The following LCMT1 variants were observed in gnomAD, a reference collection of about 807,000 sequenced individuals.
LCMT1 encodes the protein leucine carboxyl methyltransferase 1.
Under a neutral mutation model 47.7 loss-of-function variants are expected in LCMT1, and 32 were observed. That is an observed-to-expected ratio of 0.67 (90% confidence interval 0.51 to 0.90). The LOEUF (loss-of-function observed/expected upper bound fraction) is 0.90, where lower values mean the gene tolerates loss of function less well. Among genes scored for constraint, LCMT1 ranks in the 40% least tolerant of loss-of-function variants. The probability of loss-of-function intolerance (pLI) is 0.00; values close to 1 mark genes in which losing one functional copy is unlikely to be tolerated. For missense variants in LCMT1, 375 were observed against 415.2 expected, an observed-to-expected ratio of 0.90 and a Z score of 0.84; for synonymous variants, 152 against 149.7, an observed-to-expected ratio of 1.02 and a Z score of -0.11.
intron 5 of LCMT1, among the ~76,000 whole-genome samples, chr16:25,157,241 A>G (rs1037434930): frequency 6.6e-6 from 1 of 151,944 alleles, no homozygotes; most frequent in South Asian, 2.1e-4. Flanking sequence ...TCATGACCTA[A>G]TCACCTCTTA....
intron 1 of LCMT1, among the ~76,000 whole-genome samples, chr16:25,113,838 G>A (rs1381515573): frequency 1.3e-5 from 2 of 152,170 alleles, no homozygotes; most frequent in East Asian, 1.9e-4. Flanking sequence ...GCTTCACCAC[G>A]TTGGCCAGGC....
At chr16:25,147,677 C>T (rs1453420772) in intron 4 of LCMT1, 2 of 150,754 alleles carry the variant, frequency 1.3e-5, no homozygotes, top group African/African-American at 4.9e-5. Flanking sequence ...AAATCAGTTT[C>T]TTTTTTTTTA....
intron 3 of LCMT1, among the ~76,000 whole-genome samples, chr16:25,133,719 C>A (rs1370515300): frequency 3.3e-5 from 5 of 150,464 alleles, no homozygotes; most frequent in Admixed American, 3.3e-4. Context: ...ATTTTAATAG[C>A]CAAACCGTTT....
chr16:25,165,503 CTTTCT>C (rs779867771), intron 7 of LCMT1, among the ~76,000 whole-genome samples: 6 of 148,766 alleles, frequency 4.0e-5, no homozygotes, highest in African/African-American at 9.9e-5. Flanking sequence ...CTGTTTCTTT[CTTTCT>C]TTTCTTTTCT....
intron 7 of LCMT1, among the ~76,000 whole-genome samples, chr16:25,168,054 G>T (rs905157251): frequency 1.4e-5 from 2 of 144,010 alleles, no homozygotes; most frequent in Non-Finnish European, 3.0e-5. Context: ...ACCGCACCCA[G>T]CCTTTTTTTT....
At chr16:25,139,387 G>A (rs1801565084) in intron 3 of LCMT1, among the ~76,000 whole-genome samples, 1 of 151,998 alleles carries the variant, frequency 6.6e-6, no homozygotes, top group South Asian at 2.1e-4. Context: ...CTGGGCACCT[G>A]TAATCCTCGC....
intron 7 of LCMT1, among the ~76,000 whole-genome samples, chr16:25,167,702 A>G (rs1961627632): frequency 6.6e-6 from 1 of 152,122 alleles, no homozygotes; most frequent in Non-Finnish European, 1.5e-5. Flanking sequence ...AAATTCTTAG[A>G]TTTTGCTTAC....
chr16:25,124,659 C>T (rs1597563571), intron 1 of LCMT1, among the ~76,000 whole-genome samples: 1 of 152,170 alleles, frequency 6.6e-6, no homozygotes, highest in African/African-American at 2.4e-5. Context: ...TCTTTGATGC[C>T]TCAGATGAGG....
chr16:25,115,282 A>C (rs574095208), intron 1 of LCMT1, among the ~76,000 whole-genome samples: 17 of 152,302 alleles, frequency 1.1e-4, no homozygotes, highest in African/African-American at 3.9e-4. Context: ...TTAATTGATT[A>C]CTTAGAGTTC....
At chr16:25,142,915 G>A (rs1230625328) in intron 4 of LCMT1, 1 of 152,210 alleles carries the variant, frequency 6.6e-6, no homozygotes, top group Non-Finnish European at 1.5e-5. Context: ...TTCTGATCGG[G>A]AGAGGTGTAC....
At chr16:25,119,283 C>T (rs1161214835) in intron 1 of LCMT1, among the ~76,000 whole-genome samples, 1 of 151,942 alleles carries the variant, frequency 6.6e-6, no homozygotes, top group Non-Finnish European at 1.5e-5. Context: ...CAAGATCTAG[C>T]TTCTGTTAAA....
chr16:25,134,512 C>A (rs1198798070), intron 3 of LCMT1, among the ~76,000 whole-genome samples: 1 of 152,200 alleles, frequency 6.6e-6, no homozygotes, highest in Non-Finnish European at 1.5e-5. Flanking sequence ...CTCCGGATTT[C>A]TTCCTCTTTC....
chr16:25,155,917 A>G (rs1313967245), intron 5 of LCMT1, among the ~76,000 whole-genome samples: 1 of 152,130 alleles, frequency 6.6e-6, no homozygotes, highest in Non-Finnish European at 1.5e-5. Context: ...CCTGGGGTCA[A>G]ACAATCCTCC....
At chr16:25,125,303 T>G (rs557664597) in intron 1 of LCMT1, among the ~76,000 whole-genome samples, 2 of 152,370 alleles carry the variant, frequency 1.3e-5, no homozygotes, top group South Asian at 2.1e-4. Flanking sequence ...TTAGGTTTGT[T>G]CACCTGATAC....
At chr16:25,154,677 A>G (rs1961196885) in intron 5 of LCMT1, among the ~76,000 whole-genome samples, 1 of 151,216 alleles carries the variant, frequency 6.6e-6, no homozygotes, top group African/African-American at 2.4e-5. Flanking sequence ...TTTAGTAGAG[A>G]CGGGGTTTCA....
chr16:25,139,950 C>A, intron 3 of LCMT1: 1 of 526,628 alleles, frequency 1.9e-6, no homozygotes, highest in Non-Finnish European at 3.4e-6. Context: ...TACCTTCTTA[C>A]CTGGCTGACT....
chr16:25,164,970 G>T (rs958185676), intron 7 of LCMT1, among the ~76,000 whole-genome samples: 2 of 152,246 alleles, frequency 1.3e-5, no homozygotes, highest in Non-Finnish European at 1.5e-5. Flanking sequence ...ATCATTACAT[G>T]TACCATGGAG....
intron 10 of LCMT1, among the ~76,000 whole-genome samples, chr16:25,175,931 C>T (rs1160725409): frequency 6.6e-6 from 1 of 152,126 alleles, no homozygotes; most frequent in Non-Finnish European, 1.5e-5. Context: ...TGTGGAGTTC[C>T]CACAGCTGGA....
rs904912640 is a variant in LCMT1, at chr16:25,161,272, C to T, written c.569+68C>T. ...ATGCTAATTATGAGATAAGGCCAGT[C>T]GGAAGTACAGCATGATATTCATGTT... On this transcript the variant is annotated intron_variant, in intron 6 of 10. Coordinates refer to ENST00000399069, the MANE Select transcript of LCMT1 (RefSeq NM_016309.3). The T allele has an allele frequency of 2.8e-5, 21 of 755,900 alleles. 1 individual carries two copies. In the Middle Eastern group the frequency reaches 1.2e-3, roughly 42 times the overall value. The allele number at this position is 755,900 out of a possible 1,614,324, so 46.8% of individuals were successfully genotyped here. A position where few individuals can be genotyped will look rare whatever the true frequency, so the allele number is the denominator to read the frequency against.
Sources: gnomAD v4.1 joint callset for allele counts (sites outside exome capture counted in the v4.1 genomes callset) on GRCh38, gnomAD v4.1.1 for gene constraint, MANE v1.5 for transcripts, NCBI Gene and HGNC (gene_info 2026-07-23, HGNC 2026-07-21) for gene names.